Variants in GALNTL6 observed in about 807,000 individuals in gnomAD.
The protein encoded by GALNTL6 is polypeptide N-acetylgalactosaminyltransferase like 6, also known as polypeptide N-acetylgalactosaminyltransferase-like 6.
Under a neutral mutation model 73.7 loss-of-function variants are expected in GALNTL6, and 46 were observed. The observed-to-expected ratio is 0.62, with a 90% CI of 0.49 to 0.80. GALNTL6 has a LOEUF of 0.80. GALNTL6 is among the 30% of genes least tolerant of loss of function. The pLI is 0.00. For synonymous variants in GALNTL6, 259 were observed against 263.7 expected (o/e 0.98, Z 0.17); for missense variants, 604 against 755.0 (o/e 0.80, Z 2.34).
intron 2 of GALNTL6, among the ~76,000 whole-genome samples, chr4:172,167,953 G>A (rs1223659968): frequency 7.4e-6 from 1 of 135,502 alleles, no homozygotes; most frequent in African/African-American, 2.9e-5. Flanking sequence ...GCAACAGAGC[G>A]AGACTCCGTC....
chr4:172,580,227 G>T (rs1465017236), intron 5 of GALNTL6, among the ~76,000 whole-genome samples: 1 of 152,002 alleles, frequency 6.6e-6, no homozygotes, highest in Non-Finnish European at 1.5e-5. Flanking sequence ...GTACAAATCA[G>T]CCCCACAAAG....
chr4:172,735,975 C>T (rs1444530223), intron 5 of GALNTL6, among the ~76,000 whole-genome samples: 4 of 151,964 alleles, frequency 2.6e-5, no homozygotes, highest in Non-Finnish European at 4.4e-5. Context: ...AGGGAGTGTA[C>T]GAATAGGGTG....
chr4:173,034,826 A>C lies in GALNTL6; in HGVS notation c.1639-5107A>C, dbSNP rs545678780. 2.2e-4 allele frequency among the ~76,000 whole-genome samples: 33 copies of C among 152,028 alleles called. No homozygotes were observed. In the South Asian group the frequency reaches 6.9e-3, roughly 32 times the overall value. ...TTCATTGCTCATTGTCTGTGCCCCC[A>C]CTGCCCCAACCTCACCCCTACCTCT... On this transcript the variant is annotated intron_variant, in intron 12 of 12. Coordinates refer to ENST00000506823, the MANE Select transcript of GALNTL6 (RefSeq NM_001034845.3).
intron 2 of GALNTL6, among the ~76,000 whole-genome samples, chr4:172,029,551 G>A (rs534431862): frequency 6.6e-6 from 1 of 152,124 alleles, no homozygotes; most frequent in South Asian, 2.1e-4. Flanking sequence ...TAACCCTGAA[G>A]TGGTCTTAGG....
intron 5 of GALNTL6, among the ~76,000 whole-genome samples, chr4:172,704,160 G>A (rs1399593670): frequency 1.3e-5 from 2 of 151,394 alleles, no homozygotes; most frequent in Non-Finnish European, 3.0e-5. Context: ...TTATTTTGTT[G>A]ATCTTTTGTA....
chr4:172,489,470 G>C (rs943750667), intron 5 of GALNTL6, among the ~76,000 whole-genome samples: 1 of 152,216 alleles, frequency 6.6e-6, no homozygotes, highest in African/African-American at 2.4e-5. Flanking sequence ...TAAACACATA[G>C]GTGATTGAAA....
At chr4:172,592,993 A>G (rs930523998) in intron 5 of GALNTL6, among the ~76,000 whole-genome samples, 1 of 152,060 alleles carries the variant, frequency 6.6e-6, no homozygotes, top group Non-Finnish European at 1.5e-5. Context: ...AGTCTAATTC[A>G]ATTCTAATTA....
chr4:172,609,630 T>TGTGTGTGTGC (rs2111045787), intron 5 of GALNTL6, among the ~76,000 whole-genome samples: 1 of 144,904 alleles, frequency 6.9e-6, no homozygotes, highest in East Asian at 2.1e-4. Context: ...TCTCTCTGTG[T>TGTGTGTGTGC]GTGTGTGTGT....
chr4:171,868,577 T>G (rs1321539799), intron 2 of GALNTL6, among the ~76,000 whole-genome samples: 3 of 152,198 alleles, frequency 2.0e-5, no homozygotes, highest in Non-Finnish European at 4.4e-5. Context: ...AAATTATATT[T>G]CACCTAGGAC....
At chr4:172,014,910 A>G (rs879520331) in intron 2 of GALNTL6, among the ~76,000 whole-genome samples, 1 of 152,074 alleles carries the variant, frequency 6.6e-6, no homozygotes, top group African/African-American at 2.4e-5. Context: ...GTGGTCTGAG[A>G]GGGTACTTGA....
At chr4:172,449,046 GA>G (rs1468785217) in intron 5 of GALNTL6, among the ~76,000 whole-genome samples, 1 of 152,110 alleles carries the variant, frequency 6.6e-6, no homozygotes, top group African/African-American at 2.4e-5. Context: ...CAAGCTGAAG[GA>G]AGCCACACTA....
rs958025578 is a variant in GALNTL6, at chr4:172,270,604, C to A, written c.247+40840C>A. On this transcript the variant is annotated intron_variant, in intron 3 of 12. Coordinates refer to ENST00000506823, the MANE Select transcript of GALNTL6 (RefSeq NM_001034845.3). ...TGACAGAACCTGGGACAAGCACTTT[C>A]GTAGACTCAGAGCTGTGGGAATAGG... Among the ~76,000 whole-genome samples, 6 of 152,136 alleles carry A rather than the reference C, an allele frequency of 3.9e-5. 1 individual carries two copies. The East Asian group carries it at 5.8e-4, about 15-fold the overall frequency.
intron 2 of GALNTL6, among the ~76,000 whole-genome samples, chr4:171,818,183 T>G (rs1233682488): frequency 6.6e-6 from 1 of 151,784 alleles, no homozygotes; most frequent in Non-Finnish European, 1.5e-5. Context: ...AAATACCACT[T>G]ACATATTTAG....
intron 3 of GALNTL6, among the ~76,000 whole-genome samples, chr4:172,252,634 A>G (rs747119789): frequency 6.6e-6 from 1 of 152,130 alleles, no homozygotes; most frequent in East Asian, 1.9e-4. Context: ...AAAGATGATA[A>G]TATTAAGAGT....
rs142791380 is a variant in GALNTL6 at position 172,893,227 on chromosome 4, G to A, written c.1041+10320G>A. Among the ~76,000 whole-genome samples the A allele has an allele frequency of 1.4e-4, 22 of 152,272 alleles. No homozygotes were observed. In the Middle Eastern group the frequency reaches 0.01, roughly 71 times the overall value. ...CGCTGTAGGGATCCCTGAGGAAGAAGGTGCTACTGGCTAATAGGCCACACC... is the reference window on the plus strand; with the variant it reads ...CGCTGTAGGGATCCCTGAGGAAGAAAGTGCTACTGGCTAATAGGCCACACC... On this transcript the variant is annotated intron_variant, in intron 8 of 12. Coordinates refer to ENST00000506823, the MANE Select transcript of GALNTL6 (RefSeq NM_001034845.3).
At chr4:172,644,792 TA>T (rs902530440) in intron 5 of GALNTL6, among the ~76,000 whole-genome samples, 28 of 152,080 alleles carry the variant, frequency 1.8e-4, no homozygotes, top group Admixed American at 1.2e-3. Flanking sequence ...TGTTTAGGCT[TA>T]CAAGATACTG....
At chr4:172,479,796 A>G (rs1733376925) in intron 5 of GALNTL6, among the ~76,000 whole-genome samples, 1 of 148,000 alleles carries the variant, frequency 6.8e-6, no homozygotes, top group Non-Finnish European at 1.5e-5. Flanking sequence ...GAATCTTATT[A>G]GAGAGTTAAG....
At chr4:172,313,212 G>T (rs1236288780) in intron 4 of GALNTL6, among the ~76,000 whole-genome samples, 1 of 141,800 alleles carries the variant, frequency 7.1e-6, no homozygotes, top group African/African-American at 2.6e-5. Flanking sequence ...TGCAAGCTCC[G>T]CCTCCTGGGT....
intron 2 of GALNTL6, among the ~76,000 whole-genome samples, chr4:172,209,451 A>C (rs1292299862): frequency 6.6e-6 from 1 of 152,006 alleles, no homozygotes; most frequent in Non-Finnish European, 1.5e-5. Flanking sequence ...GTCAAAAAAA[A>C]AAAAAAATGA....
Sources: allele counts gnomAD v4.1 joint callset (sites outside exome capture counted in the v4.1 genomes callset), GRCh38; gene constraint gnomAD v4.1.1; transcripts MANE v1.5; gene names NCBI Gene and HGNC (gene_info 2026-07-23, HGNC 2026-07-21).